Variants in ACSL6 observed in about 807,000 individuals in gnomAD.
The protein encoded by ACSL6 is long-chain-fatty-acid--CoA ligase 6.
ACSL6 carries 47 observed loss-of-function variants against 98.2 expected under a neutral mutation model. The ratio of observed to expected loss-of-function variants is 0.48; its 90% CI spans 0.38 to 0.61. ACSL6 has a LOEUF of 0.61. Ranked by LOEUF, ACSL6 falls within the 20% of genes least tolerant of loss-of-function variation. The probability of loss-of-function intolerance (pLI) is 0.00; values close to 1 mark genes in which losing one functional copy is unlikely to be tolerated. For synonymous variants in ACSL6, 362 were observed against 336.9 expected, an observed-to-expected ratio of 1.07 and a Z score of -0.82; for missense variants, 761 against 913.4, an observed-to-expected ratio of 0.83 and a Z score of 2.15.
rs1752134686 is a variant in ACSL6, at chr5:131,951,082, G to A, written c.*3152C>T. The A allele has an allele frequency of 5.1e-6, 1 of 196,148 alleles. No individual in the cohort carries two copies. The highest frequency in any genetic ancestry group is 1.1e-5 in the Non-Finnish European group (1 of 94,644). 12.2% of individuals were successfully genotyped at this position (196,148 alleles called of 1,614,324 possible). A position where few individuals can be genotyped will look rare whatever the true frequency, so the allele number is the denominator to read the frequency against. ...CACAGCAAAAGGAAAAACAGATTTG[G>A]TATATATTTTATAATATACACAAAA... is the stretch of plus-strand genomic sequence containing the variant. On this transcript the variant is annotated 3_prime_UTR_variant, in exon 21 of 21. Transcript: ENST00000651883.
chr5:131,984,771 A>G, intron 9 of ACSL6: 1 of 157,074 alleles, frequency 6.4e-6, no homozygotes, highest in Admixed American at 6.1e-5. Context: ...GTCAGCTCCA[A>G]GCACAGAGGA....
chr5:132,010,030 A>T (rs1405477184), intron 1 of ACSL6, among the ~76,000 whole-genome samples: 1 of 152,020 alleles, frequency 6.6e-6, no homozygotes, highest in African/African-American at 2.4e-5. Flanking sequence ...GGCTGTTACG[A>T]CCACCATCAC....
intron 9 of ACSL6, among the ~76,000 whole-genome samples, chr5:131,979,431 T>TA (rs1034173008): frequency 4.0e-5 from 6 of 151,758 alleles, no homozygotes; most frequent in South Asian, 2.1e-4. Context: ...TCTTCATTGA[T>TA]AAAAAAAAAT....
intron 9 of ACSL6, among the ~76,000 whole-genome samples, chr5:131,980,906 G>A (rs1389319922): frequency 6.6e-6 from 1 of 151,992 alleles, no homozygotes; most frequent in Non-Finnish European, 1.5e-5. Flanking sequence ...CGCAGCCCCC[G>A]AGGCTCACAG....
intron 10 of ACSL6, chr5:131,975,193 A>G: frequency 7.2e-7 from 1 of 1,385,790 alleles, no homozygotes; most frequent in Non-Finnish European, 9.3e-7. Flanking sequence ...AAGAAGAGAG[A>G]GACAGGGCAG....
intron 2 of ACSL6, 73 bp from the exon 3 acceptor site, chr5:131,991,040 C>A: frequency 7.7e-7 from 1 of 1,295,728 alleles, no homozygotes; most frequent in South Asian, 1.2e-5. Context: ...GCAGCATGCA[C>A]AAGGCTGTAC....
chr5:132,002,115 G>T (rs576094113), intron 1 of ACSL6, among the ~76,000 whole-genome samples: 1 of 152,092 alleles, frequency 6.6e-6, no homozygotes, highest in African/African-American at 2.4e-5. Flanking sequence ...ATCCTTCCAC[G>T]CCAAGCCCTG....
intron 9 of ACSL6, chr5:131,982,001 CAT>C (rs1753921066): frequency 6.6e-6 from 1 of 152,148 alleles, no homozygotes; most frequent in African/African-American, 2.4e-5. Flanking sequence ...GGACTACAGG[CAT>C]GCGCCACCAC....
At chr5:131,999,567 C>T (rs558074051) in intron 1 of ACSL6, 1 of 152,398 alleles carries the variant, frequency 6.6e-6, no homozygotes, top group South Asian at 2.1e-4. Flanking sequence ...GTCTGCCCTC[C>T]TGGGGACAGT....
chr5:131,972,210 A>C (rs1753347848), intron 13 of ACSL6, among the ~76,000 whole-genome samples: 2 of 152,234 alleles, frequency 1.3e-5, no homozygotes, highest in African/African-American at 4.8e-5. Context: ...CTACTAATTG[A>C]CTACAGATTC....
chr5:131,982,744 A>G (rs1753971419), intron 9 of ACSL6: 1 of 152,102 alleles, frequency 6.6e-6, no homozygotes, highest in African/African-American at 2.4e-5. Flanking sequence ...GCAGCTACAG[A>G]TCTTTCAGGA....
At chr5:131,989,620 G>A (rs565509766) in intron 4 of ACSL6, 112 bp from the exon 5 acceptor site, 110 of 720,160 alleles carry the variant, frequency 1.5e-4, no homozygotes, top group Non-Finnish European at 2.2e-4. Context: ...TTTTGAGATG[G>A]AGTCTCGATC....
intron 7 of ACSL6, among the ~76,000 whole-genome samples, chr5:131,987,523 C>T (rs1754262854): frequency 6.6e-6 from 1 of 152,192 alleles, no homozygotes; most frequent in Non-Finnish European, 1.5e-5. Context: ...GGGTCAGCTG[C>T]TACTGGGCAG....
At chr5:131,955,630 T>C (rs2149677828) in intron 20 of ACSL6, among the ~76,000 whole-genome samples, 1 of 152,304 alleles carries the variant, frequency 6.6e-6, no homozygotes, top group Middle Eastern at 3.4e-3. Flanking sequence ...GAAAAGTGTG[T>C]GTGTAGAAGC....
intron 11 of ACSL6, chr5:131,974,636 C>A (rs776255001): frequency 8.8e-6 from 10 of 1,133,854 alleles, no homozygotes; most frequent in Non-Finnish European, 1.3e-5. Context: ...CCCTCTGACC[C>A]CTATGGTACC....
intron 3 of ACSL6, 120 bp from the exon 4 acceptor site, chr5:131,990,284 A>G: frequency 1.0e-6 from 1 of 953,310 alleles, no homozygotes; most frequent in Non-Finnish European, 1.6e-6. Flanking sequence ...GGGCCAAGTG[A>G]ACTGCCCTCC....
chr5:132,010,919 G>A (rs1290540828), intron 1 of ACSL6, among the ~76,000 whole-genome samples: 1 of 152,176 alleles, frequency 6.6e-6, no homozygotes, highest in Non-Finnish European at 1.5e-5. Flanking sequence ...CCTGTGAGGT[G>A]GAGGGGAGGG....
In ACSL6 at chr5:131,962,566, G is replaced by A. The variant is rs147880318; in HGVS notation, c.1826C>T (p.Ala609Val). The A allele has an allele frequency of 2.6e-5, 42 of 1,613,900 alleles. No individual in the cohort carries two copies. The African/African-American group carries it at 4.1e-4, about 16-fold the overall frequency. The change falls in exon 18 of 21, where the codon GCG (alanine) becomes GTG (valine). Residue 609 changes from alanine (A) to valine (V), a missense_variant. Physicochemically the swap from Ala to Val is moderately conservative, Grantham distance 64 (BLOSUM62 0). Coordinates refer to ENST00000651883, the MANE Select transcript of ACSL6 (RefSeq NM_001009185.3). Reference sequence around the variant, plus strand: ...GCTGTCCCCATGGACATAGATTTGCGCCACAGGTTGGCTCCGGATGTAGAT... The same window carrying A: ...GCTGTCCCCATGGACATAGATTTGCACCACAGGTTGGCTCCGGATGTAGAT... ...ENIYIRSQPV[A>V]QIYVHGDSLK... is the part of the protein sequence containing the mutation.
At chr5:131,985,149 C>T in intron 9 of ACSL6, 1 of 522,840 alleles carries the variant, frequency 1.9e-6, no homozygotes, top group Non-Finnish European at 3.5e-6. Context: ...GATCCAGCTG[C>T]CCATGACTCT....
Sources: gnomAD v4.1 joint callset for allele counts (sites outside exome capture counted in the v4.1 genomes callset) on GRCh38, gnomAD v4.1.1 for gene constraint, MANE v1.5 for transcripts, NCBI Gene and HGNC (gene_info 2026-07-23, HGNC 2026-07-21) for gene names.